The following ASAP3 variants were observed in gnomAD, a reference collection of about 807,000 sequenced individuals.
ASAP3 encodes the protein arf-GAP with SH3 domain, ANK repeat and PH domain-containing protein 3.
A neutral mutation model predicts 118.2 loss-of-function variants in ASAP3; 85 were observed. The ratio of observed to expected loss-of-function variants is 0.72; its 90% CI spans 0.60 to 0.86. The LOEUF (loss-of-function observed/expected upper bound fraction) is 0.86. ASAP3 is among the 40% of genes least tolerant of loss of function. The pLI is 0.00. For missense variants in ASAP3, 1,026 were observed against 1,175.0 expected (o/e 0.87, Z 1.85); for synonymous variants, 432 against 477.4 (o/e 0.90, Z 1.24).
chr1:23,455,524 G>GCGGTGGCAGCGGTGGTGGTGC (rs1641354515), intron 3 of ASAP3, among the ~76,000 whole-genome samples: 1 of 152,120 alleles, frequency 6.6e-6, no homozygotes, highest in Admixed American at 6.6e-5. Context: ...GGTGGTGGTG[G>GCGGTGGCAGCGGTGGTGGTGC]CAGTGGCAGC....
intron 1 of ASAP3, among the ~76,000 whole-genome samples, chr1:23,477,376 CA>C (rs11367585): frequency 0.18 from 11,773 of 64,158 alleles, 800 homozygotes; most frequent in African/African-American, 0.38. Context: ...GACTCCATCT[CA>C]AAAAAAAAAA....
At position 23,455,871 on chromosome 1, in the gene ASAP3, G is replaced by A; in HGVS notation, c.348+10C>T. The A allele has an allele frequency of 1.2e-6, 2 of 1,614,018 alleles. No homozygotes were observed. Among genetic ancestry groups the A allele is most frequent in the Non-Finnish European group, 1.7e-6 (2 of 1,179,994 alleles). On this transcript the variant is annotated intron_variant, in intron 3 of 24. Transcript: ENST00000336689. ...CCTGAGTCTGGGCAAGGAAGAGACA[G>A]GGGCCTCACCAGGTTCTTGAAGAGC...
intron 1 of ASAP3, among the ~76,000 whole-genome samples, chr1:23,472,003 A>G (rs1458218549): frequency 2.0e-5 from 3 of 152,254 alleles, no homozygotes; most frequent in African/African-American, 7.2e-5. Flanking sequence ...AAAAGGCCAC[A>G]TATAGTAGGA....
intron 1 of ASAP3, among the ~76,000 whole-genome samples, chr1:23,461,996 C>T (rs993438289): frequency 6.6e-6 from 1 of 152,006 alleles, no homozygotes; most frequent in African/African-American, 2.4e-5. Flanking sequence ...GGAGACAAGT[C>T]ACCCGAATCA....
intron 1 of ASAP3, among the ~76,000 whole-genome samples, chr1:23,465,786 G>T (rs1051198027): frequency 3.9e-5 from 6 of 152,286 alleles, no homozygotes; most frequent in African/African-American, 1.4e-4. Flanking sequence ...ACAGACATGA[G>T]CCACTGCACC....
At position 23,442,209 on chromosome 1, in the gene ASAP3, G is replaced by C. The variant is rs1262023511; in HGVS notation, c.648C>G (p.Ile216Met). The change falls in exon 7 of 25, where the codon ATC becomes ATG. Residue 216 changes from isoleucine (I) to methionine (M), a missense_variant. Coordinates refer to ENST00000336689, the MANE Select transcript of ASAP3 (RefSeq NM_017707.4). ...ACTTGTGCTGGGCGTGGAAGAACTT[G>C]ATGAGGCTCTGAAGGAAGTCAGGAC... is the stretch of plus-strand genomic sequence containing the variant. ...KQGPDFLQSLIKFFHAQHNFF... is the reference protein window; with the variant it reads ...KQGPDFLQSLMKFFHAQHNFF... 1 of 1,604,946 alleles carries C rather than the reference G, an allele frequency of 6.2e-7. No homozygotes were observed. Among genetic ancestry groups the C allele is most frequent in the East Asian group, 2.2e-5 (1 of 44,704 alleles).
intron 1 of ASAP3, among the ~76,000 whole-genome samples, chr1:23,475,100 T>C (rs1044897591): frequency 6.6e-6 from 1 of 152,130 alleles, no homozygotes; most frequent in African/African-American, 2.4e-5. Context: ...CTTGGCAGAG[T>C]TCACCTCCTG....
At chr1:23,460,688 C>T (rs1326993363) in intron 1 of ASAP3, among the ~76,000 whole-genome samples, 1 of 152,146 alleles carries the variant, frequency 6.6e-6, no homozygotes, top group Non-Finnish European at 1.5e-5. Flanking sequence ...TAAACGTACT[C>T]TTGCCAAATG....
chr1:23,476,678 G>A (rs1472082093), intron 1 of ASAP3, among the ~76,000 whole-genome samples: 1 of 152,172 alleles, frequency 6.6e-6, no homozygotes, highest in Non-Finnish European at 1.5e-5. Flanking sequence ...ACTTGAATAT[G>A]GCCTTGCCAC....
At chr1:23,477,258 C>T (rs1642160560) in intron 1 of ASAP3, among the ~76,000 whole-genome samples, 1 of 151,264 alleles carries the variant, frequency 6.6e-6, no homozygotes, top group Admixed American at 6.6e-5. Context: ...CTCCAGTGAT[C>T]CATCTGCCTT....
chr1:23,439,270 C>T, intron 10 of ASAP3, 40 bp from the exon 11 acceptor site: 1 of 1,600,342 alleles, frequency 6.2e-7, no homozygotes, highest in South Asian at 1.1e-5. Context: ...ACCCAAGGCT[C>T]ACACCTAGTT....
intron 24 of ASAP3, 108 bp downstream of exon 24, chr1:23,430,927 T>C: frequency 9.2e-7 from 1 of 1,091,736 alleles, no homozygotes; most frequent in Non-Finnish European, 1.3e-6. Context: ...GGCCCATCTG[T>C]ACCCCAACCA....
In ASAP3 at chr1:23,436,070, C is replaced by T; in HGVS notation, c.1572-42G>A. 1 of 1,604,412 alleles carries T rather than the reference C, an allele frequency of 6.2e-7. No individual in the cohort carries two copies. Among genetic ancestry groups the T allele is most frequent in the Non-Finnish European group, 8.5e-7 (1 of 1,171,924 alleles). ...CAGGATCTCAGAGCATGGACCGTGT[C>T]TGCCCAGCTGATCCCTGGGGCCCTC... On this transcript the variant is annotated intron_variant, in intron 16 of 24. Transcript: ENST00000336689. This position sits in a 1 kb window ranked among gnomAD's most constrained non-coding sequence, Gnocchi z 4.2.
At chr1:23,450,403 T>C (rs1450649611) in intron 5 of ASAP3, among the ~76,000 whole-genome samples, 2 of 152,196 alleles carry the variant, frequency 1.3e-5, no homozygotes, top group South Asian at 2.1e-4. Flanking sequence ...AATGTATTTT[T>C]TGAATGAAAA....
chr1:23,449,373 T>C (rs934288681), intron 5 of ASAP3, among the ~76,000 whole-genome samples: 2 of 152,190 alleles, frequency 1.3e-5, no homozygotes, highest in African/African-American at 4.8e-5. Context: ...CTAGATAAAT[T>C]TGGCCTCTGT....
Position 23,438,824 on chromosome 1 carries a change from G to T in ASAP3, c.1025C>A (p.Pro342His). 1 of 1,614,188 alleles carries T rather than the reference G, an allele frequency of 6.2e-7. No homozygotes were observed. Among genetic ancestry groups the T allele is most frequent in the Non-Finnish European group, 8.5e-7 (1 of 1,180,034 alleles). ...CGTCAGCAGGGTCAGCTTCACCGGG[G>T]GCCGGTTTATCTGTGGGAATTTAGG... The part of the protein sequence containing the change: ...LTISHSTINR[P>H]PVKLTLLTCQ... The change falls in exon 12 of 25, where the codon CCC (proline) becomes CAC (histidine). Residue 342 changes from proline to histidine, a missense_variant. Coordinates refer to ENST00000336689, the MANE Select transcript of ASAP3 (RefSeq NM_017707.4). The surrounding 1 kb of genome is among the most constrained non-coding windows in gnomAD (Gnocchi z 4.9).
At position 23,431,932 on chromosome 1, in the gene ASAP3, C is replaced by T. The variant is rs367885254; in HGVS notation, c.2324-14G>A. 7 of 1,610,812 alleles carry T rather than the reference C, an allele frequency of 4.3e-6. No individual in the cohort carries two copies. The African/African-American group carries it at 9.4e-5, about 22-fold the overall frequency. On this transcript the variant is annotated splice_polypyrimidine_tract_variant and intron_variant, in intron 22 of 24. Coordinates refer to ENST00000336689, the MANE Select transcript of ASAP3 (RefSeq NM_017707.4). ...CTTCAGAACGATCTGGAATCAGAAA[C>T]ATCAGAAATGATAAAGCTTTTCTTT...
At chr1:23,459,681 A>G (rs1282216599) in intron 1 of ASAP3, among the ~76,000 whole-genome samples, 1 of 152,264 alleles carries the variant, frequency 6.6e-6, no homozygotes, top group African/African-American at 2.4e-5. Flanking sequence ...GCAAGGCAGA[A>G]GAGGAAGAGT....
At chr1:23,434,226 T>G (rs1335479675) in intron 19 of ASAP3, 28 bp downstream of exon 19, 1 of 1,606,574 alleles carries the variant, frequency 6.2e-7, no homozygotes, top group South Asian at 1.1e-5. Flanking sequence ...GGAATAGGAG[T>G]CTGACGGAGG....
Sources: allele counts gnomAD v4.1 joint callset (sites outside exome capture counted in the v4.1 genomes callset), GRCh38; gene constraint gnomAD v4.1.1; non-coding constraint Gnocchi (gnomAD v3.1); transcripts MANE v1.5; gene names NCBI Gene and HGNC (gene_info 2026-07-23, HGNC 2026-07-21).